PRKCA: variants seen among roughly 807,000 people sequenced by gnomAD.
PRKCA encodes the protein protein kinase C alpha type.
A neutral mutation model predicts 87.0 loss-of-function variants in PRKCA; 27 were observed. That is an observed-to-expected ratio of 0.31 (90% CI 0.23 to 0.43). The LOEUF is 0.43. Among genes scored for constraint, PRKCA ranks in the 20% least tolerant of loss-of-function variants. The pLI is 1.00. For missense variants in PRKCA, 518 were observed against 852.3 expected (o/e 0.61, Z 4.88); for synonymous variants, 329 against 311.1 (o/e 1.06, Z -0.61).
chr17:66,631,329 C>A (rs1971005883), intron 3 of PRKCA, among the ~76,000 whole-genome samples: 1 of 152,032 alleles, frequency 6.6e-6, no homozygotes, highest in Non-Finnish European at 1.5e-5. Context: ...TGATAGGTAC[C>A]TAGGAAATAA....
At chr17:66,583,050 G>C (rs928985365) in intron 3 of PRKCA, among the ~76,000 whole-genome samples, 2 of 152,198 alleles carry the variant, frequency 1.3e-5, no homozygotes, top group Non-Finnish European at 2.9e-5. Flanking sequence ...CTACTGCATA[G>C]TGGCTGTGAG....
At chr17:66,451,675 C>G (rs879417489) in intron 2 of PRKCA, among the ~76,000 whole-genome samples, 1 of 152,046 alleles carries the variant, frequency 6.6e-6, no homozygotes, top group East Asian at 1.9e-4. Flanking sequence ...CGCCCCCTAA[C>G]GGGTGGGTGG....
Position 66,390,053 on chromosome 17 carries a change from G to A in PRKCA, c.205+83926G>A, listed in dbSNP as rs9916459. 9.0e-3 allele frequency among the ~76,000 whole-genome samples: 1,373 copies of A among 152,216 alleles called. 23 individuals carry two copies. The highest frequency in any genetic ancestry group is 0.032 in the African/African-American group (1,313 of 41,538). On this transcript the variant is annotated intron_variant, in intron 2 of 16. Coordinates refer to ENST00000413366, the MANE Select transcript of PRKCA (RefSeq NM_002737.3). ...AGCCTGGCCAACATGGTGAAACCCC[G>A]TCTCTACTAAAAATACAAAATTAGC...
At chr17:66,482,737 G>T (rs368588172) in intron 2 of PRKCA, among the ~76,000 whole-genome samples, 13 of 152,312 alleles carry the variant, frequency 8.5e-5, no homozygotes, top group African/African-American at 3.1e-4. Flanking sequence ...CAAAGGCAAT[G>T]ATTTTAAATT....
At chr17:66,405,178 C>T (rs917765228) in intron 2 of PRKCA, among the ~76,000 whole-genome samples, 2 of 152,170 alleles carry the variant, frequency 1.3e-5, no homozygotes, top group African/African-American at 4.8e-5. Flanking sequence ...CTGTTCACTT[C>T]CCCAAGGTGC....
At chr17:66,560,508 G>T (rs888229512) in intron 3 of PRKCA, among the ~76,000 whole-genome samples, 34 of 152,032 alleles carry the variant, frequency 2.2e-4, no homozygotes, top group African/African-American at 8.0e-4. Context: ...AAGTGGTGTG[G>T]TGTTGGGGGA....
chr17:66,429,289 G>A (rs1178029958), intron 2 of PRKCA, among the ~76,000 whole-genome samples: 1 of 152,208 alleles, frequency 6.6e-6, no homozygotes, highest in Non-Finnish European at 1.5e-5. Flanking sequence ...CCAAAATGAA[G>A]ATTGACAACT....
intron 2 of PRKCA, among the ~76,000 whole-genome samples, chr17:66,490,710 A>G (rs187004607): frequency 2.4e-3 from 363 of 152,252 alleles, no homozygotes; most frequent in African/African-American, 8.5e-3. Context: ...CCTCCCAGGT[A>G]GCTGGGATTA....
chr17:66,766,556 A>G (rs949309166), intron 13 of PRKCA, among the ~76,000 whole-genome samples: 2 of 152,120 alleles, frequency 1.3e-5, no homozygotes, highest in Non-Finnish European at 1.5e-5. Flanking sequence ...GTTAAAAACA[A>G]ACTCACTTTG....
intron 5 of PRKCA, among the ~76,000 whole-genome samples, chr17:66,655,434 G>A (rs549617611): frequency 6.6e-6 from 1 of 152,234 alleles, no homozygotes; most frequent in East Asian, 1.9e-4. Flanking sequence ...ACTTTTGCTT[G>A]TGCCATTTTC....
intron 1 of PRKCA, among the ~76,000 whole-genome samples, chr17:66,304,395 T>C (rs1032011212): frequency 1.3e-5 from 2 of 152,212 alleles, no homozygotes; most frequent in Non-Finnish European, 2.9e-5. Context: ...GGTTTTTCTT[T>C]TAAGTTGCCC....
At chr17:66,406,362 A>G (rs1911377053) in intron 2 of PRKCA, among the ~76,000 whole-genome samples, 4 of 152,190 alleles carry the variant, frequency 2.6e-5, no homozygotes, top group African/African-American at 9.6e-5. Context: ...GTTCTTTATA[A>G]AAAGATCCCC....
At chr17:66,439,476 G>A (rs1408543926) in intron 2 of PRKCA, among the ~76,000 whole-genome samples, 3 of 152,096 alleles carry the variant, frequency 2.0e-5, no homozygotes, top group Non-Finnish European at 4.4e-5. Flanking sequence ...CATCGTGCCC[G>A]GCCTTTTACC....
At chr17:66,663,463 A>G (rs1340454424) in intron 5 of PRKCA, among the ~76,000 whole-genome samples, 2 of 152,218 alleles carry the variant, frequency 1.3e-5, no homozygotes, top group African/African-American at 4.8e-5. Context: ...ATGAAGAGGA[A>G]ATAATCAGAC....
chr17:66,387,895 C>T (rs1388448637), intron 2 of PRKCA, among the ~76,000 whole-genome samples: 4 of 152,200 alleles, frequency 2.6e-5, no homozygotes, highest in African/African-American at 9.7e-5. Flanking sequence ...TGGAGTGGGA[C>T]ATTTCTTTTC....
intron 13 of PRKCA, among the ~76,000 whole-genome samples, chr17:66,766,808 CAAAAA>C (rs559889725): frequency 9.6e-6 from 1 of 104,398 alleles, no homozygotes. Flanking sequence ...AACTCCTTCT[CAAAAA>C]AAAAAAAAAA....
At chr17:66,584,203 T>A (rs1567914323) in intron 3 of PRKCA, among the ~76,000 whole-genome samples, 1 of 152,056 alleles carries the variant, frequency 6.6e-6, no homozygotes, top group Non-Finnish European at 1.5e-5. Context: ...TTGTTTTGGT[T>A]TTTGTTTGTT....
chr17:66,647,533 A>G (rs1199809719), intron 5 of PRKCA, among the ~76,000 whole-genome samples: 1 of 152,224 alleles, frequency 6.6e-6, no homozygotes, highest in Non-Finnish European at 1.5e-5. Context: ...GTCTTCTGTA[A>G]TAAAAGCAGC....
chr17:66,320,739 G>A (rs1905607715), intron 2 of PRKCA, among the ~76,000 whole-genome samples: 1 of 152,142 alleles, frequency 6.6e-6, no homozygotes, highest in Non-Finnish European at 1.5e-5. Context: ...GTGTTACTTA[G>A]TCTGCAAAAA....
Sources: gnomAD v4.1 joint callset for allele counts (sites outside exome capture counted in the v4.1 genomes callset) on GRCh38, gnomAD v4.1.1 for gene constraint, MANE v1.5 for transcripts, NCBI Gene and HGNC (gene_info 2026-07-23, HGNC 2026-07-21) for gene names.